WEE2: variants seen among roughly 807,000 people sequenced by gnomAD.
WEE2 encodes the protein WEE2 oocyte meiosis inhibiting kinase.
WEE2 carries 50 observed loss-of-function variants against 60.1 expected under a neutral mutation model. The observed-to-expected ratio is 0.83, with a 90% CI of 0.66 to 1.05. WEE2 has a LOEUF of 1.05. Among genes scored for constraint, WEE2 ranks in the 50% least tolerant of loss-of-function variants. The pLI is 0.00. For synonymous variants in WEE2, 240 were observed against 241.0 expected, an observed-to-expected ratio of 1.00 and a Z score of 0.04; for missense variants, 631 against 684.3, an observed-to-expected ratio of 0.92 and a Z score of 0.87.
chr7:141,718,654 A>G (rs1798848984), intron 3 of WEE2, among the ~76,000 whole-genome samples: 2 of 152,146 alleles, frequency 1.3e-5, no homozygotes, highest in Admixed American at 1.3e-4. Context: ...AGATGGAAAC[A>G]TTAGCATTCA....
chr7:141,716,131 C>G, intron 2 of WEE2, 91 bp from the exon 3 acceptor site: 1 of 1,110,548 alleles, frequency 9.0e-7, no homozygotes, highest in East Asian at 2.6e-5. Flanking sequence ...AATGAATTGT[C>G]TTATTTACTC....
chr7:141,721,325 G>C (rs1192139810), intron 5 of WEE2, among the ~76,000 whole-genome samples: 1 of 152,204 alleles, frequency 6.6e-6, no homozygotes, highest in African/African-American at 2.4e-5. Context: ...GGCAAGTGAA[G>C]ATGAGTTAGA....
chr7:141,717,315 C>A (rs1265906297), intron 3 of WEE2, among the ~76,000 whole-genome samples: 1 of 152,164 alleles, frequency 6.6e-6, no homozygotes, highest in South Asian at 2.1e-4. Flanking sequence ...AAAATGTTAG[C>A]ACTTGGCTAT....
At position 141,719,250 on chromosome 7, in the gene WEE2, T is replaced by A. The variant is rs1394672093; in HGVS notation, c.758+6T>A. On this transcript the variant is annotated splice_donor_region_variant and intron_variant, in intron 4 of 11. Transcript: ENST00000397541. ...TTTACAGAATTATCAAATGAGTGAG[T>A]ACCTTTGAAATGCACTAAAAATATA... The A allele has an allele frequency of 3.1e-6, 5 of 1,595,660 alleles. No individual in the cohort carries two copies. Among genetic ancestry groups the A allele is most frequent in the Non-Finnish European group, 4.3e-6 (5 of 1,172,044 alleles).
intron 3 of WEE2, 135 bp from the exon 4 acceptor site, chr7:141,718,937 C>T: frequency 1.4e-6 from 1 of 729,084 alleles, no homozygotes; most frequent in South Asian, 2.1e-5. Context: ...AATATTGACC[C>T]AAGTAGAATT....
chr7:141,709,531 C>A (rs922798944), intron 1 of WEE2, among the ~76,000 whole-genome samples: 8 of 152,162 alleles, frequency 5.3e-5, no homozygotes, highest in African/African-American at 1.9e-4. Context: ...GTCTATTGTT[C>A]TTTCCATTAC....
intron 5 of WEE2, 122 bp from the exon 6 acceptor site, chr7:141,723,012 C>T: frequency 7.8e-7 from 1 of 1,288,300 alleles, no homozygotes; most frequent in Non-Finnish European, 1.1e-6. Flanking sequence ...GCATTTGGGG[C>T]TTTGATATCT....
chr7:141,720,487 T>G (rs1798890812), intron 4 of WEE2, among the ~76,000 whole-genome samples: 2 of 152,188 alleles, frequency 1.3e-5, no homozygotes, highest in South Asian at 4.2e-4. Flanking sequence ...TTTATAGAGA[T>G]GAATCAAAGG....
At chr7:141,716,973 A>C (rs1212522331) in intron 3 of WEE2, among the ~76,000 whole-genome samples, 1 of 152,226 alleles carries the variant, frequency 6.6e-6, no homozygotes, top group Non-Finnish European at 1.5e-5. Context: ...TGTAACAGCA[A>C]AAAAGGGGGG....
rs961489588 is a variant in WEE2, at chr7:141,716,209, T to C, written c.540-13T>C. 4 of 1,609,584 alleles carry C rather than the reference T, an allele frequency of 2.5e-6. No individual in the cohort carries two copies. The highest frequency in any genetic ancestry group is 1.7e-5 in the Admixed American group (1 of 59,798). The stretch of plus-strand genomic sequence containing the variant: ...TAATTATATATTGATAAACTTTTTT[T>C]TTCTTTTTTAAGTGAGGAAGCTGGT... On this transcript the variant is annotated splice_polypyrimidine_tract_variant and intron_variant, in intron 2 of 11. Transcript: ENST00000397541.
intron 2 of WEE2, 88 bp from the exon 3 acceptor site, chr7:141,716,134 A>G (rs1433662555): frequency 2.6e-6 from 3 of 1,142,472 alleles, no homozygotes; most frequent in Non-Finnish European, 3.8e-6. Flanking sequence ...GAATTGTCTT[A>G]TTTACTCTTA....
chr7:141,709,167 T>TA (rs1798671891), intron 1 of WEE2, 67 bp downstream of exon 1: 1 of 1,328,576 alleles, frequency 7.5e-7, no homozygotes. Context: ...GTTTAGCTGA[T>TA]AGAGTGGATT....
Position 141,721,074 on chromosome 7 carries a change from G to A in WEE2, c.880+18G>A, listed in dbSNP as rs1373650325. On this transcript the variant is annotated intron_variant, in intron 5 of 11. Coordinates refer to ENST00000397541, the MANE Select transcript of WEE2 (RefSeq NM_001105558.1). ...CTGCAATGGTAAGTAGTATATAGAT[G>A]AATAACTACGAAGAGGGAGATGAAC... The A allele has an allele frequency of 1.2e-6, 2 of 1,612,814 alleles. No homozygotes were observed.
intron 5 of WEE2, among the ~76,000 whole-genome samples, chr7:141,722,601 T>C (rs1270989246): frequency 6.6e-6 from 1 of 152,246 alleles, no homozygotes; most frequent in Non-Finnish European, 1.5e-5. Flanking sequence ...TTAAATATTT[T>C]ATGATCTATT....
rs143982070 is a variant in WEE2 at position 141,724,384 on chromosome 7, C to T, written c.1221+109C>T. Reference sequence around the variant, plus strand: ...AACTGTATATTTATCATTATAGTACCGCTCTTCCCATTCAGAATGGAGACC... The same window carrying T: ...AACTGTATATTTATCATTATAGTACTGCTCTTCCCATTCAGAATGGAGACC... On this transcript the variant is annotated intron_variant, in intron 8 of 11. Transcript: ENST00000397541. 4.1e-4 allele frequency: 389 copies of T among 940,008 alleles called. 2 individuals are homozygous for T. In the African/African-American group the frequency reaches 5.6e-3, roughly 13 times the overall value. 58.2% of individuals were successfully genotyped at this position (940,008 alleles called of 1,614,324 possible).
chr7:141,710,307 A>C (rs960786459), intron 1 of WEE2, among the ~76,000 whole-genome samples: 3 of 152,212 alleles, frequency 2.0e-5, no homozygotes, highest in Non-Finnish European at 4.4e-5. Context: ...CAGGAAAGAA[A>C]GAAAGGTATA....
rs1239617646 is a variant in WEE2, at chr7:141,724,067, C to T, written c.1135+19C>T. 1 of 1,589,702 alleles carries T rather than the reference C, an allele frequency of 6.3e-7. No homozygotes were observed. Among genetic ancestry groups the T allele is most frequent in the Admixed American group, 1.7e-5 (1 of 58,388 alleles). The stretch of plus-strand genomic sequence containing the variant: ...AAAATTGGTTAGTCTGCCTTATAGC[C>T]TTACCAGTTACCATTATCCTATAAA... On this transcript the variant is annotated intron_variant, in intron 7 of 11. Coordinates refer to ENST00000397541, the MANE Select transcript of WEE2 (RefSeq NM_001105558.1).
At chr7:141,712,833 A>G (rs905642213) in intron 1 of WEE2, among the ~76,000 whole-genome samples, 1 of 152,214 alleles carries the variant, frequency 6.6e-6, no homozygotes, top group African/African-American at 2.4e-5. Context: ...AATCAGCATT[A>G]CAAAAAACGA....
At chr7:141,716,192 T>C (rs1398965183) in intron 2 of WEE2, 30 bp from the exon 3 acceptor site, 1 of 1,590,688 alleles carries the variant, frequency 6.3e-7, no homozygotes, top group Non-Finnish European at 8.6e-7. Context: ...ATTAATTATA[T>C]ATTGATAAAC....
Sources: gnomAD v4.1 joint callset for allele counts (sites outside exome capture counted in the v4.1 genomes callset) on GRCh38, gnomAD v4.1.1 for gene constraint, MANE v1.5 for transcripts, NCBI Gene and HGNC (gene_info 2026-07-23, HGNC 2026-07-21) for gene names.